Variants in PARD3 observed in about 807,000 individuals in gnomAD.
PARD3 encodes the protein par-3 family cell polarity regulator.
In PARD3, 75 loss-of-function variants were observed where a neutral mutation model predicts 155.4. That is an observed-to-expected ratio of 0.48 (90% CI 0.40 to 0.58). PARD3 has a LOEUF of 0.58. Among genes scored for constraint, PARD3 ranks in the 20% least tolerant of loss-of-function variants. The pLI, the probability that PARD3 is intolerant of heterozygous loss-of-function variation, is 0.00. For missense variants in PARD3, 1,642 were observed against 1,721.7 expected (o/e 0.95, Z 0.82); for synonymous variants, 576 against 610.5 (o/e 0.94, Z 0.83).
chr10:34,424,361 C>G (rs899960138), intron 5 of PARD3, among the ~76,000 whole-genome samples: 3 of 151,960 alleles, frequency 2.0e-5, no homozygotes, highest in African/African-American at 7.3e-5. Flanking sequence ...AAGAAATAGG[C>G]AACAAGATGT....
rs187078897 is a variant in PARD3, at chr10:34,692,101, G to A, written c.222+4217C>T. 1.0e-3 allele frequency among the ~76,000 whole-genome samples: 156 copies of A among 152,090 alleles called. 1 individual carries two copies. Among genetic ancestry groups the A allele is most frequent in the African/African-American group, 3.6e-3 (150 of 41,496 alleles). On this transcript the variant is annotated intron_variant, in intron 2 of 24. Transcript: ENST00000374788. ...ACAAAAATTAGCCAGGCATGGTGAC[G>A]TGCACCTGTAATCCCAGCTACTCAG...
intron 2 of PARD3, among the ~76,000 whole-genome samples, chr10:34,555,443 T>C (rs1255033120): frequency 2.0e-5 from 3 of 152,294 alleles, no homozygotes; most frequent in South Asian, 2.1e-4. Flanking sequence ...AAATCTTTTA[T>C]ACTGCCTGCA....
At chr10:34,760,134 T>G (rs560559851) in intron 1 of PARD3, among the ~76,000 whole-genome samples, 1 of 152,170 alleles carries the variant, frequency 6.6e-6, no homozygotes, top group South Asian at 2.1e-4. Flanking sequence ...CTGGTTTTTA[T>G]GTCTCTGTGT....
At chr10:34,584,874 G>A (rs943899935) in intron 2 of PARD3, among the ~76,000 whole-genome samples, 4 of 152,176 alleles carry the variant, frequency 2.6e-5, no homozygotes, top group African/African-American at 9.6e-5. Flanking sequence ...GGCTCATTAG[G>A]TCTTCCCCTC....
At chr10:34,764,985 T>G (rs1837905466) in intron 1 of PARD3, among the ~76,000 whole-genome samples, 1 of 152,220 alleles carries the variant, frequency 6.6e-6, no homozygotes, top group South Asian at 2.1e-4. Flanking sequence ...GGATTAGGTC[T>G]CATCCTTCTC....
At chr10:34,364,130 G>C (rs1839728010) in intron 12 of PARD3, among the ~76,000 whole-genome samples, 1 of 152,100 alleles carries the variant, frequency 6.6e-6, no homozygotes. Flanking sequence ...TGCAGCAAAG[G>C]TGTTATCTAT....
At chr10:34,424,375 C>T (rs1030305954) in intron 5 of PARD3, among the ~76,000 whole-genome samples, 5 of 152,052 alleles carry the variant, frequency 3.3e-5, no homozygotes, top group African/African-American at 9.7e-5. Flanking sequence ...AAGATGTATT[C>T]GAGTAACAGA....
At chr10:34,279,489 G>A (rs12357324) in intron 21 of PARD3, among the ~76,000 whole-genome samples, 5,771 of 152,124 alleles carry the variant, frequency 0.038, 302 homozygotes, top group African/African-American at 0.12. Context: ...GAAAAATGCT[G>A]CTACAGGATA....
At chr10:34,802,846 T>C (rs541838275) in intron 1 of PARD3, among the ~76,000 whole-genome samples, 1 of 152,172 alleles carries the variant, frequency 6.6e-6, no homozygotes, top group South Asian at 2.1e-4. Flanking sequence ...ACGGCTAACA[T>C]GTAGTCCACC....
chr10:34,180,327 G>C (rs71495072), intron 22 of PARD3, among the ~76,000 whole-genome samples: 4,185 of 152,308 alleles, frequency 0.027, 85 homozygotes, highest in Non-Finnish European at 0.041. Context: ...TTACAGGCAT[G>C]AGCCAATGCG....
At chr10:34,484,251 C>A (rs915796727) in intron 3 of PARD3, among the ~76,000 whole-genome samples, 1 of 152,216 alleles carries the variant, frequency 6.6e-6, no homozygotes, top group African/African-American at 2.4e-5. Context: ...TGAATGAGCA[C>A]AAAGGTGCCC....
intron 4 of PARD3, among the ~76,000 whole-genome samples, chr10:34,452,263 T>C (rs2077102280): frequency 6.6e-6 from 1 of 152,152 alleles, no homozygotes; most frequent in Non-Finnish European, 1.5e-5. Flanking sequence ...CTACCCTCTC[T>C]TTTCAGTAGG....
At chr10:34,384,768 C>A (rs1842182016) in intron 7 of PARD3, among the ~76,000 whole-genome samples, 1 of 152,194 alleles carries the variant, frequency 6.6e-6, no homozygotes, top group Non-Finnish European at 1.5e-5. Flanking sequence ...AGTTTCCATG[C>A]TTTGCATTTG....
Position 34,498,924 on chromosome 10 carries a change from T to C in PARD3, c.403+18055A>G, listed in dbSNP as rs1039388263. On this transcript the variant is annotated intron_variant, in intron 3 of 24. Transcript: ENST00000374788. The stretch of plus-strand genomic sequence containing the variant: ...CACATACACACACTCCTACCTTTTT[T>C]AGACACTTAGAATAGCACTGAAGTA... 3.9e-5 allele frequency among the ~76,000 whole-genome samples: 6 copies of C among 152,234 alleles called. No homozygotes were observed. In the South Asian group the frequency reaches 8.3e-4, roughly 21 times the overall value.
rs139961024 is a variant in PARD3 at position 34,710,382 on chromosome 10, T to C, written c.121-13963A>G. Among the ~76,000 whole-genome samples the C allele has an allele frequency of 3.2e-3, 482 of 152,330 alleles. 2 individuals carry two copies. Among genetic ancestry groups the C allele is most frequent in the African/African-American group, 0.011 (448 of 41,576 alleles). On this transcript the variant is annotated intron_variant, in intron 1 of 24. Coordinates refer to ENST00000374788, the MANE Select transcript of PARD3 (RefSeq NM_001184785.2). ...CATAATAAATATATACGTGCAGTTTTAAATATTTATCCTCTTAAATAACTA... is the reference window on the plus strand; with the variant it reads ...CATAATAAATATATACGTGCAGTTTCAAATATTTATCCTCTTAAATAACTA...
chr10:34,394,935 G>GAA (rs966466966), intron 7 of PARD3, among the ~76,000 whole-genome samples: 4 of 122,410 alleles, frequency 3.3e-5, no homozygotes, highest in Admixed American at 8.2e-5. Flanking sequence ...TATTAAAAAA[G>GAA]AAAAAAAAAA....
rs747899931 is a variant in PARD3 at position 34,450,375 on chromosome 10, C to T, written c.656G>A (p.Arg219His). 1.1e-5 allele frequency: 18 copies of T among 1,613,268 alleles called. No homozygotes were observed. The highest frequency in any genetic ancestry group is 2.2e-5 in the East Asian group (1 of 44,882). ...WSNQFQRDNARSSLSASHPMV... is the reference protein window; with the variant it reads ...WSNQFQRDNAHSSLSASHPMV... Reference sequence around the variant, plus strand: ...TGGGTGACTGGCACTCAGAGACGAGCGAGCATTGTCTCTCTGAAATTGGTT... The same window carrying T: ...TGGGTGACTGGCACTCAGAGACGAGTGAGCATTGTCTCTCTGAAATTGGTT... The change falls in exon 5 of 25, where the codon CGC becomes CAC. Residue 219 changes from arginine (R) to histidine (H), a missense_variant. Around this residue, in one of 3 missense-constraint regions of PARD3, gnomAD observed 1,529 missense variants for 1,587.3 expected, o/e 0.96. Coordinates refer to ENST00000374788, the MANE Select transcript of PARD3 (RefSeq NM_001184785.2).
intron 22 of PARD3, among the ~76,000 whole-genome samples, chr10:34,184,759 G>C (rs1321710763): frequency 1.4e-5 from 2 of 143,212 alleles, no homozygotes; most frequent in Non-Finnish European, 3.0e-5. Flanking sequence ...TATGCTCAAA[G>C]CCTGCAAAAG....
In PARD3 at chr10:34,310,948, T is replaced by C. The variant is rs76114208; in HGVS notation, c.3065+6159A>G. Among the ~76,000 whole-genome samples the C allele has an allele frequency of 2.8e-3, 421 of 152,342 alleles. 1 individual carries two copies. Among genetic ancestry groups the C allele is most frequent in the African/African-American group, 9.6e-3 (400 of 41,588 alleles). On this transcript the variant is annotated intron_variant, in intron 20 of 24. Transcript: ENST00000374788. ...TGTGTTTCATTTGGAGAAGCATTGT[T>C]TTCTATGTGCTTACTTTAACTGTAT...
Sources: gnomAD v4.1 joint callset for allele counts (sites outside exome capture counted in the v4.1 genomes callset) on GRCh38, gnomAD v4.1.1 for gene constraint, gnomAD v4.1.1 regional missense constraint, MANE v1.5 for transcripts, NCBI Gene and HGNC (gene_info 2026-07-23, HGNC 2026-07-21) for gene names.